ADAMTS12: variants seen among roughly 807,000 people sequenced by gnomAD.
The protein encoded by ADAMTS12 is A disintegrin and metalloproteinase with thrombospondin motifs 12.
Under a neutral mutation model 167.8 loss-of-function variants are expected in ADAMTS12, and 118 were observed. The observed-to-expected ratio is 0.70, with a 90% CI of 0.61 to 0.82. The LOEUF (loss-of-function observed/expected upper bound fraction) is 0.82. Ranked by LOEUF, ADAMTS12 falls within the 40% of genes least tolerant of loss-of-function variation. ADAMTS12 has a pLI of 0.00. For synonymous variants in ADAMTS12, 704 were observed against 716.9 expected, an observed-to-expected ratio of 0.98 and a Z score of 0.29; for missense variants, 1,916 against 1,998.8, an observed-to-expected ratio of 0.96 and a Z score of 0.79.
intron 3 of ADAMTS12, among the ~76,000 whole-genome samples, chr5:33,692,137 G>A (rs1305166200): frequency 6.6e-6 from 1 of 152,180 alleles, no homozygotes; most frequent in Non-Finnish European, 1.5e-5. Context: ...TGTTCTGGGT[G>A]CATGGCTTCC....
At chr5:33,669,417 A>C (rs1741591584) in intron 5 of ADAMTS12, among the ~76,000 whole-genome samples, 1 of 152,164 alleles carries the variant, frequency 6.6e-6, no homozygotes, top group Non-Finnish European at 1.5e-5. Flanking sequence ...AATGTTCCAC[A>C]ATGAATCCTG....
rs937011550 is a variant in ADAMTS12, at chr5:33,784,519, TA to T, written c.490-32972del. On this transcript the variant is annotated intron_variant, in intron 2 of 23. Coordinates refer to ENST00000504830, the MANE Select transcript of ADAMTS12 (RefSeq NM_030955.4). The stretch of plus-strand genomic sequence containing the variant: ...AAGGTTACAGGATAACAGGTCAGTA[TA>T]AAAAAAATAGTTGTATTCTGTACCA... Among the ~76,000 whole-genome samples the T allele has an allele frequency of 2.7e-5, 4 of 149,964 alleles. No individual in the cohort carries two copies. The South Asian group carries it at 6.2e-4, about 23-fold the overall frequency.
intron 5 of ADAMTS12, among the ~76,000 whole-genome samples, chr5:33,671,727 T>A (rs539898846): frequency 6.6e-6 from 1 of 151,718 alleles, no homozygotes. Context: ...CATACTCACA[T>A]ACCCATACAC....
At chr5:33,836,293 C>T (rs1425056059) in intron 2 of ADAMTS12, among the ~76,000 whole-genome samples, 1 of 152,034 alleles carries the variant, frequency 6.6e-6, no homozygotes, top group Non-Finnish European at 1.5e-5. Context: ...TTGAAAGGTC[C>T]CAGGCAGCCC....
intron 2 of ADAMTS12, among the ~76,000 whole-genome samples, chr5:33,778,854 A>T (rs900250213): frequency 1.3e-5 from 2 of 152,160 alleles, no homozygotes; most frequent in African/African-American, 2.4e-5. Flanking sequence ...AAAAATGGGC[A>T]AAGAACCTAA....
intron 9 of ADAMTS12, among the ~76,000 whole-genome samples, chr5:33,646,054 G>T (rs187589755): frequency 1.8e-4 from 27 of 152,210 alleles, no homozygotes; most frequent in Non-Finnish European, 2.9e-4. Context: ...CACTGTGCAG[G>T]GTTCTAGAGG....
chr5:33,768,212 G>C (rs112734943), intron 2 of ADAMTS12, among the ~76,000 whole-genome samples: 2 of 152,112 alleles, frequency 1.3e-5, no homozygotes, highest in Admixed American at 1.3e-4. Flanking sequence ...CCTGGCCTCC[G>C]GTTCCAACTG....
At chr5:33,765,976 T>G (rs1745515179) in intron 2 of ADAMTS12, among the ~76,000 whole-genome samples, 1 of 152,154 alleles carries the variant, frequency 6.6e-6, no homozygotes, top group South Asian at 2.1e-4. Flanking sequence ...GTCGTTACAA[T>G]CAGGTAAATC....
chr5:33,603,079 C>T (rs1204190788), intron 16 of ADAMTS12, among the ~76,000 whole-genome samples: 3 of 152,106 alleles, frequency 2.0e-5, no homozygotes, highest in African/African-American at 7.2e-5. Flanking sequence ...CTACAGGCCC[C>T]AAAACGCAGA....
intron 3 of ADAMTS12, among the ~76,000 whole-genome samples, chr5:33,697,366 G>T (rs139691307): frequency 2.1e-4 from 32 of 152,220 alleles, no homozygotes; most frequent in African/African-American, 7.7e-4. Context: ...AAGAGATCAA[G>T]GTAAACTGAA....
At chr5:33,761,220 C>T (rs370814692) in intron 2 of ADAMTS12, among the ~76,000 whole-genome samples, 9 of 152,316 alleles carry the variant, frequency 5.9e-5, no homozygotes, top group East Asian at 3.9e-4. Context: ...AAAGCCTTTC[C>T]GAGGCTGGGA....
chr5:33,562,482 GGCTGTTTC>G (rs1407388778), intron 19 of ADAMTS12, among the ~76,000 whole-genome samples: 2 of 151,712 alleles, frequency 1.3e-5, no homozygotes, highest in Non-Finnish European at 2.9e-5. Context: ...CACTAAAAGG[GGCTGTTTC>G]TGGATGAGCA....
At chr5:33,707,549 A>T (rs1743246020) in intron 3 of ADAMTS12, among the ~76,000 whole-genome samples, 2 of 152,226 alleles carry the variant, frequency 1.3e-5, no homozygotes, top group Non-Finnish European at 2.9e-5. Flanking sequence ...CTGACTTCAA[A>T]CTATATTACA....
intron 5 of ADAMTS12, among the ~76,000 whole-genome samples, chr5:33,680,123 G>T (rs1041445988): frequency 1.3e-5 from 2 of 152,214 alleles, no homozygotes; most frequent in Admixed American, 6.5e-5. Flanking sequence ...GTAAAAGCTT[G>T]AACGAGGATA....
At chr5:33,641,766 C>G in intron 11 of ADAMTS12, 44 bp downstream of exon 11, 6 of 1,509,844 alleles carry the variant, frequency 4.0e-6, no homozygotes, top group Non-Finnish European at 4.5e-6. Flanking sequence ...CATCCCGCCC[C>G]CAGCACATGT....
chr5:33,891,027 A>G (rs1750822146), intron 1 of ADAMTS12, among the ~76,000 whole-genome samples: 1 of 152,114 alleles, frequency 6.6e-6, no homozygotes, highest in Admixed American at 6.5e-5. Flanking sequence ...CAAGTCCAAT[A>G]AACTGCTGAC....
intron 3 of ADAMTS12, among the ~76,000 whole-genome samples, chr5:33,743,266 G>A (rs1231467392): frequency 6.6e-6 from 1 of 152,164 alleles, no homozygotes; most frequent in Admixed American, 6.5e-5. Context: ...AGCAGGCCTC[G>A]GAGGCAGTCC....
chr5:33,603,396 T>C (rs763342955), intron 16 of ADAMTS12: 1 of 152,224 alleles, frequency 6.6e-6, no homozygotes, highest in Non-Finnish European at 1.5e-5. Context: ...TGAACTTTCA[T>C]TGGTGATCTT....
intron 3 of ADAMTS12, among the ~76,000 whole-genome samples, chr5:33,721,696 T>C (rs926699484): frequency 3.9e-5 from 6 of 152,246 alleles, no homozygotes; most frequent in Non-Finnish European, 7.3e-5. Context: ...AATATTTTAA[T>C]CCTGCATCCT....
Sources: allele counts gnomAD v4.1 joint callset (sites outside exome capture counted in the v4.1 genomes callset), GRCh38; gene constraint gnomAD v4.1.1; transcripts MANE v1.5; gene names NCBI Gene and HGNC (gene_info 2026-07-23, HGNC 2026-07-21).